Variants in ABLIM1 observed in about 807,000 individuals in gnomAD.
ABLIM1 encodes actin-binding LIM protein 1.
A neutral mutation model predicts 107.0 loss-of-function variants in ABLIM1; 40 were observed. The observed-to-expected ratio is 0.37, with a 90% CI of 0.29 to 0.49. The LOEUF (loss-of-function observed/expected upper bound fraction) is 0.49. Among genes scored for constraint, ABLIM1 ranks in the 20% least tolerant of loss-of-function variants. The pLI is 0.97. For synonymous variants in ABLIM1, 357 were observed against 357.3 expected (o/e 1.00, Z 0.01); for missense variants, 857 against 1,008.5 (o/e 0.85, Z 2.04).
At chr10:114,561,905 C>G (rs1304868769) in intron 4 of ABLIM1, among the ~76,000 whole-genome samples, 1 of 152,146 alleles carries the variant, frequency 6.6e-6, no homozygotes, top group Non-Finnish European at 1.5e-5. Flanking sequence ...CTTAGATAAT[C>G]CAGGCTCAGG....
chr10:114,507,060 G>C (rs2061252905), intron 6 of ABLIM1, among the ~76,000 whole-genome samples: 1 of 152,154 alleles, frequency 6.6e-6, no homozygotes, highest in East Asian at 1.9e-4. Flanking sequence ...TACACTATCA[G>C]ACTAAAAATA....
intron 8 of ABLIM1, among the ~76,000 whole-genome samples, chr10:114,484,999 A>G (rs1290830290): frequency 2.0e-5 from 3 of 152,334 alleles, no homozygotes; most frequent in Middle Eastern, 6.8e-3. Context: ...CCAGCTCTAT[A>G]CCTGGGTGCT....
At chr10:114,785,026 TAGAGC>T in the ABLIM1 span, among the ~76,000 whole-genome samples, 1 of 152,222 alleles carries the variant, frequency 6.6e-6, no homozygotes, top group Non-Finnish European at 1.5e-5. Context: ...AGTACCAGAA[TAGAGC>T]AAAGTATAAG....
intron 1 of ABLIM1, among the ~76,000 whole-genome samples, chr10:114,645,815 C>T (rs1478587563): frequency 2.6e-5 from 4 of 152,116 alleles, no homozygotes; most frequent in African/African-American, 9.7e-5. Context: ...AATAAATATG[C>T]CCCCAAAATG....
In ABLIM1 at chr10:114,767,401, C is replaced by G. The variant is rs185871067; in HGVS notation, c.-213+660G>C. Among the ~76,000 whole-genome samples, 12 of 152,318 alleles carry G rather than the reference C, an allele frequency of 7.9e-5. No homozygotes were observed. The East Asian group carries it at 1.9e-3, about 24-fold the overall frequency. ...CTCTTTAATATTTCACTCATACTAG[C>G]AGCCACTGAGCTATGACTAACCCAC... On this transcript the variant is annotated intron_variant, in intron 1 of 15. Transcript: ENST00000651092.
Position 114,608,538 on chromosome 10 carries a change from G to A in ABLIM1, c.245-6577C>T, listed in dbSNP as rs552356403. Among the ~76,000 whole-genome samples the A allele has an allele frequency of 2.1e-4, 32 of 150,240 alleles. 2 individuals are homozygous for A. The South Asian group carries it at 6.4e-3, about 30-fold the overall frequency. ...TACAAAATTAGCTGGGCGTGGTGGC[G>A]TATGCCTGTAATCCCAGCTACTCGG... On this transcript the variant is annotated intron_variant, in intron 1 of 22. Transcript: ENST00000533213.
intron 2 of ABLIM1, among the ~76,000 whole-genome samples, chr10:114,586,399 A>G (rs1456126914): frequency 6.6e-6 from 1 of 152,196 alleles, no homozygotes; most frequent in Non-Finnish European, 1.5e-5. Flanking sequence ...AAGAAACTAG[A>G]ATGGGATCAC....
At chr10:114,555,555 A>C (rs1035843798) in intron 4 of ABLIM1, among the ~76,000 whole-genome samples, 1 of 152,238 alleles carries the variant, frequency 6.6e-6, no homozygotes, top group Non-Finnish European at 1.5e-5. Context: ...GAACAAGAGC[A>C]TGAGGTGTTC....
At chr10:114,701,892 T>C (rs893617207) in intron 1 of ABLIM1, among the ~76,000 whole-genome samples, 2 of 152,210 alleles carry the variant, frequency 1.3e-5, no homozygotes, top group Non-Finnish European at 2.9e-5. Context: ...ATGTCAATTA[T>C]GCCTTAAAAA....
intron 1 of ABLIM1, among the ~76,000 whole-genome samples, chr10:114,644,329 A>ATATATATATG (rs1158947105): frequency 1.3e-4 from 15 of 114,950 alleles, no homozygotes; most frequent in South Asian, 8.0e-4. Context: ...ATATATATAT[A>ATATATATATG]TGTGTATATA....
chr10:114,656,186 T>C (rs1218485599), intron 1 of ABLIM1, among the ~76,000 whole-genome samples: 2 of 148,898 alleles, frequency 1.3e-5, no homozygotes, highest in Non-Finnish European at 3.0e-5. Flanking sequence ...AGGAGAATCA[T>C]TTGAACTCAG....
chr10:114,756,561 C>T (rs535070679), intron 1 of ABLIM1, among the ~76,000 whole-genome samples: 1 of 152,262 alleles, frequency 6.6e-6, no homozygotes, highest in African/African-American at 2.4e-5. Flanking sequence ...TCTCCAATGA[C>T]TTAAATATTT....
intron 4 of ABLIM1, among the ~76,000 whole-genome samples, chr10:114,556,192 A>C (rs10787538): frequency 0.41 from 61,705 of 152,062 alleles, 13,699 homozygotes; most frequent in Non-Finnish European, 0.5. Context: ...AATCTTGTGT[A>C]ATAAAATGGT....
At chr10:114,628,457 G>C (rs937186746) in intron 1 of ABLIM1, among the ~76,000 whole-genome samples, 3 of 152,298 alleles carry the variant, frequency 2.0e-5, no homozygotes, top group African/African-American at 2.4e-5. Context: ...TCTAGAAAAA[G>C]TACTTGCCTT....
intron 3 of ABLIM1, among the ~76,000 whole-genome samples, chr10:114,573,134 T>A (rs2071946140): frequency 6.6e-6 from 1 of 152,212 alleles, no homozygotes; most frequent in South Asian, 2.1e-4. Flanking sequence ...TCCCTCCCTA[T>A]ATCCTCTGCC....
upstream of ABLIM1, among the ~76,000 whole-genome samples, chr10:114,770,691 A>G (rs1007638933): frequency 2.0e-5 from 3 of 152,142 alleles, no homozygotes; most frequent in Non-Finnish European, 4.4e-5. Context: ...AGTCTTTTCT[A>G]TCTCCCCAAA....
chr10:114,626,010 T>A (rs2077766555), intron 1 of ABLIM1, among the ~76,000 whole-genome samples: 1 of 152,184 alleles, frequency 6.6e-6, no homozygotes, highest in Non-Finnish European at 1.5e-5. Flanking sequence ...TAGAAGAACA[T>A]TTTTTTAGAA....
chr10:114,492,839 T>C (rs975396886), intron 6 of ABLIM1, among the ~76,000 whole-genome samples: 2 of 152,214 alleles, frequency 1.3e-5, no homozygotes, highest in East Asian at 1.9e-4. Flanking sequence ...GGAAATCAGA[T>C]GTCACGTGGT....
At chr10:114,521,089 T>C (rs1392943397) in intron 6 of ABLIM1, among the ~76,000 whole-genome samples, 4 of 152,218 alleles carry the variant, frequency 2.6e-5, no homozygotes, top group Non-Finnish European at 5.9e-5. Context: ...GTATAAATAA[T>C]ATGTATAAGC....
Sources: gnomAD v4.1 joint callset for allele counts (sites outside exome capture counted in the v4.1 genomes callset) on GRCh38, gnomAD v4.1.1 for gene constraint, MANE v1.5 for transcripts, NCBI Gene and HGNC (gene_info 2026-07-23, HGNC 2026-07-21) for gene names.